The following ARFGAP1 variants were observed in gnomAD, a reference collection of about 807,000 sequenced individuals.
ARFGAP1 encodes ARF GTPase activating protein 1.
ARFGAP1 carries 26 observed loss-of-function variants against 54.0 expected under a neutral mutation model. The observed-to-expected ratio is 0.48, with a 90% CI of 0.35 to 0.67. The LOEUF is 0.67. Among genes scored for constraint, ARFGAP1 ranks in the 30% least tolerant of loss-of-function variants. The pLI is 0.00. For missense variants in ARFGAP1, 525 were observed against 535.8 expected, an observed-to-expected ratio of 0.98 and a Z score of 0.20; for synonymous variants, 248 against 211.9, an observed-to-expected ratio of 1.17 and a Z score of -1.48.
rs145245599 is a variant in ARFGAP1 at position 63,284,424 on chromosome 20, C to T, written c.718-442C>T. The T allele has an allele frequency of 3.7e-6, 4 of 1,079,350 alleles. No homozygotes were observed. In the East Asian group the frequency reaches 2.2e-4, roughly 58 times the overall value. The allele number at this position is 1,079,350 out of a possible 1,614,324, so 66.9% of individuals were successfully genotyped here. ...AGGAGAGGCTGAGCTCCTTTCTCAG[C>T]AGCTTCTTCCTATGGCCCCAGCCTC... On this transcript the variant is annotated intron_variant, in intron 9 of 12. Coordinates refer to ENST00000370283, the MANE Select transcript of ARFGAP1 (RefSeq NM_018209.4).
intron 12 of ARFGAP1, 33 bp from the exon 13 acceptor site, chr20:63,287,531 T>G (rs1601376986): frequency 1.3e-6 from 2 of 1,538,114 alleles, no homozygotes; most frequent in South Asian, 1.2e-5. Flanking sequence ...TGAGTAACAG[T>G]CATTTAGAGT....
chr20:63,284,451 G>C, intron 9 of ARFGAP1: 1 of 1,096,410 alleles, frequency 9.1e-7, no homozygotes, highest in Non-Finnish European at 1.1e-6. Flanking sequence ...CCCAGCCTCC[G>C]TGCCCTCTTC....
chr20:63,286,153 C>G (rs1450010249), intron 11 of ARFGAP1: 1 of 1,550,274 alleles, frequency 6.5e-7, no homozygotes, highest in South Asian at 1.2e-5. Context: ...GTGCACGAGG[C>G]TGTCCTCGCT....
Position 63,286,403 on chromosome 20 carries a change from C to T in ARFGAP1, c.872C>T (p.Thr291Ile). ...GGTAGTAAGGGATGGCGGGACGTCA[C>T]CACCTTTTTTTCGGGGAAAGCAGAG... Reference protein sequence around the residue: ...GVGSKGWRDVTTFFSGKAEGP... With the variant: ...GVGSKGWRDVITFFSGKAEGP... Residue 291 changes from threonine to isoleucine, a missense_variant, in exon 12 of 13, where the codon ACC (threonine) becomes ATC (isoleucine). Thr to Ile is a moderately conservative substitution (Grantham distance 89). Around this residue, in one of 3 missense-constraint regions of ARFGAP1, gnomAD observed 466 missense variants for 453.6 expected, o/e 1.03. Coordinates refer to ENST00000370283, the MANE Select transcript of ARFGAP1 (RefSeq NM_018209.4). 6.2e-7 allele frequency: 1 copy of T among 1,613,538 alleles called. No homozygotes were observed. Among genetic ancestry groups the T allele is most frequent in the Non-Finnish European group, 8.5e-7 (1 of 1,180,006 alleles).
Position 63,287,728 on chromosome 20 carries a change from G to A in ARFGAP1, c.1076G>A (p.Arg359Lys). 1.2e-6 allele frequency: 2 copies of A among 1,611,694 alleles called. No homozygotes were observed. Among genetic ancestry groups the A allele is most frequent in the Non-Finnish European group, 1.7e-6 (2 of 1,179,618 alleles). Residue 359 changes from arginine to lysine, a missense_variant, in exon 13 of 13, where the codon AGG becomes AAG. Physicochemically the swap from Arg to Lys is conservative, Grantham distance 26 (BLOSUM62 2). Transcript: ENST00000370283. ...WTCADTSTER[R>K]SSDSWEVWGS... ...TGCGCGGACACCTCCACCGAGAGGA[G>A]GAGCTCGGACAGCTGGGAGGTGTGG...
intron 1 of ARFGAP1, among the ~76,000 whole-genome samples, chr20:63,274,484 G>T (rs1473757914): frequency 1.3e-5 from 2 of 152,132 alleles, no homozygotes; most frequent in Non-Finnish European, 2.9e-5. Flanking sequence ...GGAAGGGCTG[G>T]CACTGGGAAG....
At chr20:63,284,153 A>C in intron 9 of ARFGAP1, 4 of 1,303,434 alleles carry the variant, frequency 3.1e-6, no homozygotes, top group Non-Finnish European at 1.9e-6. Flanking sequence ...CAGACCCCCA[A>C]CGCAGGCCTG....
chr20:63,275,702 G>C, intron 2 of ARFGAP1, 62 bp downstream of exon 2: 5 of 1,526,908 alleles, frequency 3.3e-6, no homozygotes, highest in Non-Finnish European at 4.5e-6. Context: ...GTTCCGGGAA[G>C]TTGTACTCTG....
chr20:63,281,260 T>C (rs1234489970), intron 7 of ARFGAP1, 31 bp from the exon 8 acceptor site: 2 of 1,583,114 alleles, frequency 1.3e-6, no homozygotes, highest in African/African-American at 2.7e-5. Flanking sequence ...GTCCCAGTCC[T>C]GATGTGGCTG....
At position 63,281,335 on chromosome 20, in the gene ARFGAP1, A is replaced by G; in HGVS notation, c.672A>G (p.Ala224=). 2 of 1,599,470 alleles carry G rather than the reference A, an allele frequency of 1.3e-6. No individual in the cohort carries two copies. Among genetic ancestry groups the G allele is most frequent in the South Asian group, 2.2e-5 (2 of 89,858 alleles). ...CTGGAGCCAGCCGGTTTGCCTCGGC[A>G]GCCAAGGAGGGCGTAAGTCACTGCC... ...FTTGASRFAS[A]AKEGATKFGS... Residue 224 remains alanine (A), a synonymous_variant, in exon 8 of 13, where the codon GCA becomes GCG. Transcript: ENST00000370283.
chr20:63,286,242 T>A, intron 11 of ARFGAP1, 124 bp from the exon 12 acceptor site: 1 of 1,552,492 alleles, frequency 6.4e-7, no homozygotes, highest in East Asian at 2.4e-5. Context: ...AGGCACCCCT[T>A]GTTTCTGGAT....
At chr20:63,275,269 C>T (rs1238173845) in intron 1 of ARFGAP1, among the ~76,000 whole-genome samples, 1 of 152,216 alleles carries the variant, frequency 6.6e-6, no homozygotes, top group Non-Finnish European at 1.5e-5. Flanking sequence ...GAAGACAGGA[C>T]TTTTTATAAC....
intron 7 of ARFGAP1, 61 bp downstream of exon 7, chr20:63,279,056 G>A: frequency 6.6e-7 from 1 of 1,515,488 alleles, no homozygotes; most frequent in Non-Finnish European, 9.1e-7. Context: ...GGGCACGACG[G>A]GCCATAGTGG....
intron 11 of ARFGAP1, 98 bp from the exon 12 acceptor site, chr20:63,286,268 T>G: frequency 6.3e-7 from 1 of 1,577,808 alleles, no homozygotes; most frequent in Non-Finnish European, 8.6e-7. Flanking sequence ...CTGGGTCTTC[T>G]CAGCGGGACG....
In ARFGAP1 at chr20:63,284,934, C is replaced by T. The variant is rs73153583; in HGVS notation, c.774+12C>T. 2 of 1,612,956 alleles carry T rather than the reference C, an allele frequency of 1.2e-6. No individual in the cohort carries two copies. The highest frequency in any genetic ancestry group is 1.7e-5 in the Admixed American group (1 of 59,986). On this transcript the variant is annotated intron_variant, in intron 10 of 12. Transcript: ENST00000370283. ...CTGCGCAGGAGAAGGTAACGGGCAG[C>T]TCCGGGTGGTTGTGCCTGGAGCCCT... is the stretch of plus-strand genomic sequence containing the variant.
At position 63,285,467 on chromosome 20, in the gene ARFGAP1, A is replaced by G. The variant is rs985216344; in HGVS notation, c.775-187A>G. The G allele has an allele frequency of 1.2e-5, 8 of 644,670 alleles. No homozygotes were observed. In the Admixed American group the frequency reaches 1.4e-4, roughly 11 times the overall value. The allele number at this position is 644,670 out of a possible 1,614,324, so 39.9% of individuals were successfully genotyped here. ...CACGTTTGCAGACACCAGGCCTCACAGTGACATGGTTTCTTGATGCTGGAA... is the reference window on the plus strand; with the variant it reads ...CACGTTTGCAGACACCAGGCCTCACGGTGACATGGTTTCTTGATGCTGGAA... On this transcript the variant is annotated intron_variant, in intron 10 of 12. Coordinates refer to ENST00000370283, the MANE Select transcript of ARFGAP1 (RefSeq NM_018209.4).
intron 9 of ARFGAP1, chr20:63,284,321 C>T: frequency 1.8e-6 from 2 of 1,081,492 alleles, no homozygotes; most frequent in East Asian, 6.9e-5. Context: ...CGTGCTGCTC[C>T]CTGCCTTTGG....
chr20:63,283,107 C>G, intron 9 of ARFGAP1: 1 of 559,694 alleles, frequency 1.8e-6, no homozygotes, highest in Non-Finnish European at 3.2e-6. Flanking sequence ...GGTGTGTGGC[C>G]ACTGCAGCCG....
chr20:63,284,645 G>A, intron 9 of ARFGAP1: 1 of 1,396,734 alleles, frequency 7.2e-7, no homozygotes. Flanking sequence ...CTTCCTGCAA[G>A]AATTGGTGGG....
Sources: allele counts gnomAD v4.1 joint callset (sites outside exome capture counted in the v4.1 genomes callset), GRCh38; gene constraint gnomAD v4.1.1; regional missense constraint gnomAD v4.1.1; transcripts MANE v1.5; gene names NCBI Gene and HGNC (gene_info 2026-07-23, HGNC 2026-07-21).